Variants in KLHL1 observed in about 807,000 individuals in gnomAD.
KLHL1 encodes kelch-like protein 1.
Under a neutral mutation model 77.7 loss-of-function variants are expected in KLHL1, and 47 were observed. The ratio of observed to expected loss-of-function variants is 0.60; its 90% confidence interval spans 0.48 to 0.77. KLHL1 has a LOEUF of 0.77. Among genes scored for constraint, KLHL1 ranks in the 30% least tolerant of loss-of-function variants. KLHL1 has a pLI of 0.00. For missense variants in KLHL1, 925 were observed against 910.8 expected (o/e 1.02, Z -0.20); for synonymous variants, 360 against 325.2 (o/e 1.11, Z -1.15).
intron 5 of KLHL1, among the ~76,000 whole-genome samples, chr13:69,848,154 C>A (rs919710964): frequency 6.6e-6 from 1 of 151,542 alleles, no homozygotes; most frequent in Non-Finnish European, 1.5e-5. Context: ...GTGCCTCATA[C>A]CTAGAGAGCT....
At chr13:70,004,074 C>T (rs1435526443) in intron 1 of KLHL1, among the ~76,000 whole-genome samples, 1 of 151,770 alleles carries the variant, frequency 6.6e-6, no homozygotes, top group Non-Finnish European at 1.5e-5. Context: ...TAACTTTTAT[C>T]TGAGGCCTAC....
chr13:69,943,772 A>G (rs558773856), intron 3 of KLHL1, among the ~76,000 whole-genome samples: 2 of 152,266 alleles, frequency 1.3e-5, no homozygotes, highest in East Asian at 3.9e-4. Flanking sequence ...ATACCCTTCA[A>G]CATATTGTTT....
At chr13:69,822,958 C>G (rs879446211) in intron 6 of KLHL1, among the ~76,000 whole-genome samples, 3 of 151,928 alleles carry the variant, frequency 2.0e-5, no homozygotes, top group Non-Finnish European at 4.4e-5. Context: ...TTTATAACAA[C>G]TTATTTTGCT....
At chr13:69,930,894 T>A (rs80152643) in intron 4 of KLHL1, among the ~76,000 whole-genome samples, 1,867 of 151,712 alleles carry the variant, frequency 0.012, 35 homozygotes, top group African/African-American at 0.042. Context: ...CATATATGCG[T>A]TAATCAGTGA....
At chr13:69,880,080 A>G (rs957847927) in intron 5 of KLHL1, among the ~76,000 whole-genome samples, 2 of 152,134 alleles carry the variant, frequency 1.3e-5, no homozygotes, top group African/African-American at 4.8e-5. Flanking sequence ...TGGCACTCAT[A>G]TTGTAGAAAT....
intron 1 of KLHL1, among the ~76,000 whole-genome samples, chr13:70,049,828 C>CACAAAACAAA (rs775277487): frequency 6.6e-6 from 1 of 151,628 alleles, no homozygotes; most frequent in Non-Finnish European, 1.5e-5. Context: ...TCTGGCTTAC[C>CACAAAACAAA]ACAAAACAAA....
intron 5 of KLHL1, among the ~76,000 whole-genome samples, chr13:69,873,169 A>T (rs1209163602): frequency 6.6e-6 from 1 of 152,170 alleles, no homozygotes; most frequent in Non-Finnish European, 1.5e-5. Context: ...ACTTTCCATG[A>T]TCAAATAGTG....
At chr13:69,957,090 G>T (rs558743727) in intron 3 of KLHL1, among the ~76,000 whole-genome samples, 1 of 151,458 alleles carries the variant, frequency 6.6e-6, no homozygotes, top group Non-Finnish European at 1.5e-5. Flanking sequence ...CAAATCAAAG[G>T]CTTATTGAAG....
chr13:69,830,897 CTGAA>C (rs1263274669), intron 6 of KLHL1, among the ~76,000 whole-genome samples: 1 of 149,588 alleles, frequency 6.7e-6, no homozygotes, highest in Non-Finnish European at 1.5e-5. Flanking sequence ...ATTATATAAA[CTGAA>C]TGATAATAGT....
At chr13:70,020,686 G>A (rs940666232) in intron 1 of KLHL1, among the ~76,000 whole-genome samples, 10 of 151,856 alleles carry the variant, frequency 6.6e-5, no homozygotes, top group South Asian at 2.1e-4. Context: ...ATCACAAGTC[G>A]GCTGAATGCA....
intron 5 of KLHL1, among the ~76,000 whole-genome samples, chr13:69,872,955 G>A (rs1880638783): frequency 1.3e-5 from 2 of 152,140 alleles, no homozygotes; most frequent in Admixed American, 6.6e-5. Flanking sequence ...AGGGATGAAT[G>A]TCCAAACTAC....
rs576152156 is a variant in KLHL1, at chr13:69,729,920, A to G, written c.1803-10339T>C. Among the ~76,000 whole-genome samples, 3 of 152,282 alleles carry G rather than the reference A, an allele frequency of 2.0e-5. No homozygotes were observed. In the East Asian group the frequency reaches 5.8e-4, roughly 29 times the overall value. On this transcript the variant is annotated intron_variant, in intron 8 of 10. Coordinates refer to ENST00000377844, the MANE Select transcript of KLHL1 (RefSeq NM_020866.3). ...TCACACTCTGATATTTTTTACGAAG[A>G]AAGATACTAGAGCAAAACAGGATTT...
chr13:70,028,793 GT>G (rs1886018518), intron 1 of KLHL1, among the ~76,000 whole-genome samples: 1 of 151,974 alleles, frequency 6.6e-6, no homozygotes, highest in South Asian at 2.1e-4. Flanking sequence ...CCTTCGCAAT[GT>G]GGCGAAACTT....
At chr13:69,737,156 C>T (rs577023248) in intron 8 of KLHL1, among the ~76,000 whole-genome samples, 2 of 152,308 alleles carry the variant, frequency 1.3e-5, no homozygotes, top group East Asian at 3.9e-4. Context: ...GAAAACTATG[C>T]TTTTCCCATG....
At chr13:70,006,101 T>G (rs1475709058) in intron 1 of KLHL1, among the ~76,000 whole-genome samples, 1 of 152,098 alleles carries the variant, frequency 6.6e-6, no homozygotes, top group Non-Finnish European at 1.5e-5. Flanking sequence ...ATAAATGATT[T>G]TATGTAGTAT....
chr13:69,947,028 T>TTGTGTG (rs59606834), intron 3 of KLHL1, among the ~76,000 whole-genome samples: 146 of 146,006 alleles, frequency 1.0e-3, no homozygotes, highest in Non-Finnish European at 1.6e-3. Context: ...TGTGTGTGTG[T>TTGTGTG]TGTGTGTGTG....
chr13:69,787,639 C>T (rs1320455279), intron 7 of KLHL1, among the ~76,000 whole-genome samples: 16 of 152,140 alleles, frequency 1.1e-4, no homozygotes, highest in Admixed American at 7.2e-4. Flanking sequence ...GCAATGGCAA[C>T]TAAAGCCAGA....
chr13:69,852,633 C>T (rs553011562), intron 5 of KLHL1, among the ~76,000 whole-genome samples: 1 of 152,034 alleles, frequency 6.6e-6, no homozygotes, highest in East Asian at 1.9e-4. Context: ...TTGCAGATTT[C>T]CAGCTTTCTT....
intron 9 of KLHL1, among the ~76,000 whole-genome samples, chr13:69,714,215 T>A (rs1394369946): frequency 6.6e-6 from 1 of 152,200 alleles, no homozygotes; most frequent in Non-Finnish European, 1.5e-5. Context: ...TTCTGTATAA[T>A]GATGAATGGA....
Sources: allele counts gnomAD v4.1 joint callset (sites outside exome capture counted in the v4.1 genomes callset), GRCh38; gene constraint gnomAD v4.1.1; transcripts MANE v1.5; gene names NCBI Gene and HGNC (gene_info 2026-07-23, HGNC 2026-07-21).